The following NRG1 variants were observed in gnomAD, a reference collection of about 807,000 sequenced individuals.
NRG1 encodes neuregulin 1.
Under a neutral mutation model 63.8 loss-of-function variants are expected in NRG1, and 18 were observed. The observed-to-expected ratio is 0.28, with a 90% CI of 0.19 to 0.42. NRG1 has a LOEUF of 0.42. Among genes scored for constraint, NRG1 ranks in the 10% least tolerant of loss-of-function variants. The probability of loss-of-function intolerance (pLI) is 1.00; values close to 1 mark genes in which losing one functional copy is unlikely to be tolerated. For missense variants in NRG1, 762 were observed against 814.7 expected (o/e 0.94, Z 0.79); for synonymous variants, 302 against 301.3 (o/e 1.00, Z -0.02).
At chr8:32,474,296 G>A (rs1824205632) in intron 1 of NRG1, among the ~76,000 whole-genome samples, 1 of 152,118 alleles carries the variant, frequency 6.6e-6, no homozygotes, top group South Asian at 2.1e-4. Context: ...AAATAAAACT[G>A]ACTATGGTAA....
At chr8:32,673,434 T>C (rs1806226524) in intron 5 of NRG1, among the ~76,000 whole-genome samples, 1 of 152,218 alleles carries the variant, frequency 6.6e-6, no homozygotes, top group South Asian at 2.1e-4. Context: ...ATTTGTGTAA[T>C]AAATGACAGT....
intron 6 of NRG1, among the ~76,000 whole-genome samples, chr8:32,730,820 CTTG>C (rs1278787614): frequency 6.6e-6 from 1 of 152,038 alleles, no homozygotes; most frequent in Non-Finnish European, 1.5e-5. Flanking sequence ...ATGGGGAAAC[CTTG>C]TTATTTTTTC....
chr8:32,348,559 C>G (rs779435818), intron 1 of NRG1, among the ~76,000 whole-genome samples: 18 of 152,140 alleles, frequency 1.2e-4, no homozygotes, highest in Non-Finnish European at 2.4e-4. Context: ...CAATGAACAA[C>G]ATTTATGGTC....
chr8:31,698,573 G>A (rs1810319824), intron 1 of NRG1, among the ~76,000 whole-genome samples: 1 of 152,142 alleles, frequency 6.6e-6, no homozygotes, highest in Non-Finnish European at 1.5e-5. Flanking sequence ...CCTGCTTCTT[G>A]CAAGGTGTTA....
At chr8:32,684,856 GA>G (rs35090539) in intron 5 of NRG1, among the ~76,000 whole-genome samples, 2 of 151,618 alleles carry the variant, frequency 1.3e-5, no homozygotes, top group Non-Finnish European at 2.9e-5. Context: ...ATATTTTCAG[GA>G]AAAAAAACGC....
At chr8:32,092,238 C>T (rs1449009279) in intron 1 of NRG1, among the ~76,000 whole-genome samples, 2 of 151,684 alleles carry the variant, frequency 1.3e-5, no homozygotes, top group Non-Finnish European at 2.9e-5. Flanking sequence ...GCAAGAGGAT[C>T]GCTTGAGCCC....
At chr8:32,084,628 G>A (rs546503401) in intron 1 of NRG1, among the ~76,000 whole-genome samples, 1 of 152,246 alleles carries the variant, frequency 6.6e-6, no homozygotes, top group Non-Finnish European at 1.5e-5. Flanking sequence ...TTTGTGATAG[G>A]TAAGATCCAC....
intron 1 of NRG1, among the ~76,000 whole-genome samples, chr8:31,712,186 A>T: frequency 7.7e-6 from 1 of 129,660 alleles, no homozygotes; most frequent in Non-Finnish European, 1.6e-5. Context: ...ATTTCACGCT[A>T]TTATTTCTTG....
At chr8:32,123,570 A>G (rs1005378782) in intron 1 of NRG1, among the ~76,000 whole-genome samples, 1 of 149,582 alleles carries the variant, frequency 6.7e-6, no homozygotes, top group African/African-American at 2.4e-5. Flanking sequence ...GCATCTTAAC[A>G]TATTTCAATA....
intron 1 of NRG1, among the ~76,000 whole-genome samples, chr8:31,693,371 A>T (rs1333510932): frequency 6.6e-6 from 1 of 152,214 alleles, no homozygotes; most frequent in East Asian, 1.9e-4. Context: ...AGGCATTAAC[A>T]TTTACATTTC....
At chr8:31,783,614 A>AC (rs1819904950) in intron 1 of NRG1, among the ~76,000 whole-genome samples, 2 of 151,768 alleles carry the variant, frequency 1.3e-5, no homozygotes, top group Admixed American at 6.6e-5. Context: ...AAAAAAAAAA[A>AC]AAAACAAAAA....
At chr8:31,864,095 G>A (rs1302599514) in intron 1 of NRG1, among the ~76,000 whole-genome samples, 1 of 152,164 alleles carries the variant, frequency 6.6e-6, no homozygotes, top group Non-Finnish European at 1.5e-5. Context: ...AAGGACCCTT[G>A]ATGGTATCTA....
intron 1 of NRG1, among the ~76,000 whole-genome samples, chr8:32,574,862 A>G (rs1006846474): frequency 3.3e-5 from 5 of 152,168 alleles, no homozygotes; most frequent in African/African-American, 1.2e-4. Context: ...AGTTTACACT[A>G]CAGCTTTGCC....
intron 1 of NRG1, among the ~76,000 whole-genome samples, chr8:31,698,090 G>A (rs1183458706): frequency 1.3e-5 from 2 of 152,028 alleles, no homozygotes; most frequent in Non-Finnish European, 2.9e-5. Context: ...GTGTATGTCG[G>A]TACTGTCACT....
chr8:32,720,138 T>C (rs921961034), intron 5 of NRG1, among the ~76,000 whole-genome samples: 4 of 152,200 alleles, frequency 2.6e-5, no homozygotes, highest in South Asian at 2.1e-4. Flanking sequence ...TGTCATTAAA[T>C]GTCACATGGT....
intron 1 of NRG1, among the ~76,000 whole-genome samples, chr8:31,769,783 T>C (rs1818433909): frequency 1.3e-5 from 2 of 152,060 alleles, no homozygotes; most frequent in South Asian, 4.1e-4. Flanking sequence ...GCAACCAAGT[T>C]GTATGGATCT....
chr8:32,221,845 A>G (rs747961705), intron 1 of NRG1, among the ~76,000 whole-genome samples: 1 of 151,878 alleles, frequency 6.6e-6, no homozygotes, highest in Non-Finnish European at 1.5e-5. Context: ...ATATATCTTT[A>G]TATTTTTTTT....
chr8:32,181,683 C>G (rs1841443980), intron 1 of NRG1, among the ~76,000 whole-genome samples: 1 of 152,208 alleles, frequency 6.6e-6, no homozygotes, highest in African/African-American at 2.4e-5. Context: ...CTGGTGCACA[C>G]TTAATCTCTC....
chr8:31,640,746 T>TG lies in NRG1; in HGVS notation c.37+1320dup. 1 of 1,509,042 alleles carries TG rather than the reference T, an allele frequency of 6.6e-7. No individual in the cohort carries two copies. The highest frequency in any genetic ancestry group is 8.9e-7 in the Non-Finnish European group (1 of 1,127,736). 93.5% of individuals were successfully genotyped at this position (1,509,042 alleles called of 1,614,324 possible). On this transcript the variant is annotated intron_variant, in intron 1 of 10. Transcript: ENST00000519301. The surrounding 1 kb of genome is among the most constrained non-coding windows in gnomAD (Gnocchi z 6.3). ...AGCGGTGCGGTAAGTTCCTCGCCCT[T>TG]GGGGGCGCGAACCCGCGGCGAGGAG...
Sources: gnomAD v4.1 joint callset for allele counts (sites outside exome capture counted in the v4.1 genomes callset) on GRCh38, gnomAD v4.1.1 for gene constraint, Gnocchi (gnomAD v3.1) non-coding constraint, MANE v1.5 for transcripts, NCBI Gene and HGNC (gene_info 2026-07-23, HGNC 2026-07-21) for gene names.